The following SQOR variants were observed in gnomAD, a reference collection of about 807,000 sequenced individuals.
The protein encoded by SQOR is sulfide:quinone oxidoreductase, mitochondrial.
Under a neutral mutation model 48.6 loss-of-function variants are expected in SQOR, and 39 were observed. The observed-to-expected ratio is 0.80, with a 90% confidence interval of 0.62 to 1.05. SQOR has a LOEUF of 1.05. Among genes scored for constraint, SQOR ranks in the 50% least tolerant of loss-of-function variants. The pLI is 0.00. For missense variants in SQOR, 561 were observed against 559.9 expected, an observed-to-expected ratio of 1.00 and a Z score of -0.02; for synonymous variants, 220 against 206.2, an observed-to-expected ratio of 1.07 and a Z score of -0.57.
At chr15:45,655,326 A>G (rs942442362) in intron 1 of SQOR, among the ~76,000 whole-genome samples, 7 of 152,318 alleles carry the variant, frequency 4.6e-5, no homozygotes, top group African/African-American at 1.4e-4. Flanking sequence ...AGGACCATGA[A>G]AAACATGATT....
intron 6 of SQOR, among the ~76,000 whole-genome samples, chr15:45,676,838 C>T (rs1421334725): frequency 2.6e-5 from 4 of 152,044 alleles, no homozygotes; most frequent in Non-Finnish European, 5.9e-5. Context: ...GTCAGGAGTT[C>T]GAGACCAGGC....
chr15:45,642,073 C>G (rs1311737658), intron 1 of SQOR, among the ~76,000 whole-genome samples: 1 of 152,208 alleles, frequency 6.6e-6, no homozygotes, highest in Non-Finnish European at 1.5e-5. Context: ...GTGCCTAGCA[C>G]AATCCCTGGC....
rs777334925 is a variant in SQOR, at chr15:45,661,289, T to TAAAA, written c.235-666_235-665insAAAA. Among the ~76,000 whole-genome samples, 254 of 84,312 alleles carry TAAAA rather than the reference T, an allele frequency of 3.0e-3. 3 individuals are homozygous for TAAAA. The highest frequency in any genetic ancestry group is 9.6e-3 in the East Asian group (25 of 2,596). The allele number at this position is 84,312 out of a possible 152,430, so 55.3% of individuals were successfully genotyped here. A position where few individuals can be genotyped will look rare whatever the true frequency, so the allele number is the denominator to read the frequency against. ...TGGGGTGATTGGGCGAGACTCTGTCTTAAAAAAAAAAAAAAAAAAAAAAAA... is the reference window on the plus strand; with the variant it reads ...TGGGGTGATTGGGCGAGACTCTGTCTAAAATAAAAAAAAAAAAAAAAAAAAAAAA... On this transcript the variant is annotated intron_variant, in intron 2 of 9. Transcript: ENST00000260324.
intron 1 of SQOR, among the ~76,000 whole-genome samples, chr15:45,645,287 A>C (rs1477130518): frequency 6.6e-6 from 1 of 152,172 alleles, no homozygotes; most frequent in Non-Finnish European, 1.5e-5. Context: ...TGACAGTAAC[A>C]ATTTCCTTTT....
At chr15:45,663,093 C>T (rs1889750030) in intron 3 of SQOR, among the ~76,000 whole-genome samples, 1 of 152,180 alleles carries the variant, frequency 6.6e-6, no homozygotes, top group African/African-American at 2.4e-5. Flanking sequence ...TCTTGGCTCA[C>T]TGCAACCTCT....
chr15:45,672,565 A>C (rs1260366682), intron 4 of SQOR, among the ~76,000 whole-genome samples: 1 of 152,154 alleles, frequency 6.6e-6, no homozygotes, highest in East Asian at 1.9e-4. Flanking sequence ...GGTGGCCCAG[A>C]GAATGGGCTG....
At chr15:45,686,263 T>A (rs1345605805) in intron 7 of SQOR, among the ~76,000 whole-genome samples, 1 of 152,104 alleles carries the variant, frequency 6.6e-6, no homozygotes, top group African/African-American at 2.4e-5. Flanking sequence ...GCAATTCTCT[T>A]GTCTTAGCCT....
chr15:45,652,873 G>A (rs984276106), intron 1 of SQOR, among the ~76,000 whole-genome samples: 1 of 151,340 alleles, frequency 6.6e-6, no homozygotes, highest in Non-Finnish European at 1.5e-5. Context: ...CGTGGGGGCC[G>A]GAGACAGGAA....
chr15:45,650,314 C>T (rs746349740), intron 1 of SQOR, among the ~76,000 whole-genome samples: 17 of 152,158 alleles, frequency 1.1e-4, no homozygotes, highest in Admixed American at 2.0e-4. Context: ...TGTGGACCCT[C>T]GTGGGGAGTG....
intron 4 of SQOR, among the ~76,000 whole-genome samples, chr15:45,671,525 AG>A (rs1162212840): frequency 6.6e-6 from 1 of 152,232 alleles, no homozygotes; most frequent in African/African-American, 2.4e-5. Context: ...TTAATAGATG[AG>A]GAAACTGAGG....
At chr15:45,637,256 C>T (rs1289906260) in intron 1 of SQOR, among the ~76,000 whole-genome samples, 2 of 152,290 alleles carry the variant, frequency 1.3e-5, no homozygotes, top group African/African-American at 2.4e-5. Context: ...AAAGCAACCA[C>T]CACACCCAGC....
chr15:45,655,086 T>A (rs910189456), intron 1 of SQOR, among the ~76,000 whole-genome samples: 1 of 152,200 alleles, frequency 6.6e-6, no homozygotes, highest in Non-Finnish European at 1.5e-5. Context: ...AGGAAAATGA[T>A]TTGGGGCTGC....
Position 45,682,650 on chromosome 15 carries a change from C to T in SQOR, c.1037C>T (p.Ala346Val), listed in dbSNP as rs766026112. Reference sequence around the variant, plus strand: ...ACCAACCTTCCTACGTCAAAGACCGCTGCTGCAGTAGGTAAGTCAACCAGC... The same window carrying T: ...ACCAACCTTCCTACGTCAAAGACCGTTGCTGCAGTAGGTAAGTCAACCAGC... ...DCTNLPTSKTAAAVAAQSGIL... is the reference protein window; with the variant it reads ...DCTNLPTSKTVAAVAAQSGIL... The change falls in exon 7 of 10, where the codon GCT becomes GTT. Residue 346 changes from alanine to valine, a missense_variant. By Grantham distance (64) the Ala-to-Val change is moderately conservative. Coordinates refer to ENST00000260324, the MANE Select transcript of SQOR (RefSeq NM_021199.4). 63 of 1,613,776 alleles carry T rather than the reference C, an allele frequency of 3.9e-5. No individual in the cohort carries two copies. In the Middle Eastern group the frequency reaches 1.2e-3, roughly 29 times the overall value.
At chr15:45,644,381 T>G (rs982545812) in intron 1 of SQOR, among the ~76,000 whole-genome samples, 1 of 152,212 alleles carries the variant, frequency 6.6e-6, no homozygotes, top group Non-Finnish European at 1.5e-5. Flanking sequence ...CCACCGCGCC[T>G]GGCTTTTAAG....
At chr15:45,643,545 A>C (rs1159498422) in intron 1 of SQOR, among the ~76,000 whole-genome samples, 2 of 152,216 alleles carry the variant, frequency 1.3e-5, no homozygotes, top group South Asian at 4.1e-4. Context: ...AATTTCATGT[A>C]AGTCTATTTC....
At chr15:45,690,860 C>T (rs143533251) in intron 9 of SQOR, 113 bp from the exon 10 acceptor site, 45 of 874,964 alleles carry the variant, frequency 5.1e-5, no homozygotes, top group Middle Eastern at 2.8e-4. Context: ...TCTTGCTTTA[C>T]GTGCTGATGA....
intron 7 of SQOR, among the ~76,000 whole-genome samples, chr15:45,687,215 G>GGTTCACACC (rs1890241182): frequency 6.6e-6 from 1 of 150,774 alleles, no homozygotes; most frequent in African/African-American, 2.4e-5. Flanking sequence ...CAACCTCCGC[G>GGTTCACACC]ATTCTCCTGC....
chr15:45,673,399 C>T (rs1350848416), intron 4 of SQOR, among the ~76,000 whole-genome samples: 2 of 152,124 alleles, frequency 1.3e-5, no homozygotes, highest in Non-Finnish European at 2.9e-5. Flanking sequence ...TTCCTCTGAG[C>T]TGAGCCCATT....
chr15:45,659,010 C>T lies in SQOR; in HGVS notation c.87C>T (p.Pro29=), dbSNP rs147700533. The T allele has an allele frequency of 5.0e-6, 8 of 1,603,698 alleles. No individual in the cohort carries two copies. Among genetic ancestry groups the T allele is most frequent in the Non-Finnish European group, 6.8e-6 (8 of 1,175,468 alleles). The part of the protein sequence containing the change: ...LLRLGTQQVG[P]LQLHTGASHA... ...GGCTGGGCACTCAGCAGGTCGGCCCCCTTCAGCTGCACACCGGGGCCAGCC... is the reference window on the plus strand; with the variant it reads ...GGCTGGGCACTCAGCAGGTCGGCCCTCTTCAGCTGCACACCGGGGCCAGCC... The change falls in exon 2 of 10, where the codon CCC becomes CCT. Residue 29 remains proline (P), a synonymous_variant. Transcript: ENST00000260324.
Sources: gnomAD v4.1 joint callset for allele counts (sites outside exome capture counted in the v4.1 genomes callset) on GRCh38, gnomAD v4.1.1 for gene constraint, MANE v1.5 for transcripts, NCBI Gene and HGNC (gene_info 2026-07-23, HGNC 2026-07-21) for gene names.